Variants in MEI4 observed in about 807,000 individuals in gnomAD.
The protein encoded by MEI4 is meiosis-specific protein MEI4.
A neutral mutation model predicts 31.4 loss-of-function variants in MEI4; 27 were observed. That is an observed-to-expected ratio of 0.86 (90% CI 0.63 to 1.19). The LOEUF (loss-of-function observed/expected upper bound fraction) is 1.19, where lower values mean the gene tolerates loss of function less well. MEI4 is among the 50% of genes most tolerant of loss of function. MEI4 has a pLI of 0.00. For missense variants in MEI4, 329 were observed against 398.9 expected, an observed-to-expected ratio of 0.82 and a Z score of 1.49; for synonymous variants, 122 against 145.4, an observed-to-expected ratio of 0.84 and a Z score of 1.16.
intron 2 of MEI4, among the ~76,000 whole-genome samples, chr6:77,737,090 A>G (rs1405502508): frequency 6.6e-6 from 1 of 152,198 alleles, no homozygotes; most frequent in Non-Finnish European, 1.5e-5. Flanking sequence ...CAGCCAGTGG[A>G]AAACATGCTG....
At position 77,731,160 on chromosome 6, in the gene MEI4, G is replaced by A. The variant is rs965230498; in HGVS notation, c.233-29970G>A. Among the ~76,000 whole-genome samples, 226 of 151,748 alleles carry A rather than the reference G, an allele frequency of 1.5e-3. 1 individual carries two copies. Among genetic ancestry groups the A allele is most frequent in the Non-Finnish European group, 2.6e-3 (176 of 67,974 alleles). ...ACATACCCAGTAATGGGATGGCTGG[G>A]TCAAATGGTATTTCTAGTTCTAGAT... On this transcript the variant is annotated intron_variant, in intron 2 of 4. Transcript: ENST00000684080.
At chr6:77,775,942 G>C (rs1768427791) in intron 3 of MEI4, among the ~76,000 whole-genome samples, 1 of 152,098 alleles carries the variant, frequency 6.6e-6, no homozygotes. Context: ...CTGATCATTA[G>C]TGATGTTGAG....
At chr6:77,922,314 A>G (rs1159439217) in intron 4 of MEI4, among the ~76,000 whole-genome samples, 2 of 151,694 alleles carry the variant, frequency 1.3e-5, no homozygotes, top group African/African-American at 4.8e-5. Context: ...AGTTCTGTGG[A>G]TTTGAGTTCT....
intron 4 of MEI4, among the ~76,000 whole-genome samples, chr6:77,872,317 C>T (rs1348789785): frequency 6.6e-6 from 1 of 152,096 alleles, no homozygotes; most frequent in Non-Finnish European, 1.5e-5. Flanking sequence ...CAGTGGCATG[C>T]ACCTGCAGTC....
At chr6:77,869,129 A>T (rs748902126) in intron 4 of MEI4, among the ~76,000 whole-genome samples, 5 of 152,172 alleles carry the variant, frequency 3.3e-5, no homozygotes, top group East Asian at 1.9e-4. Flanking sequence ...AGCAAAGCAA[A>T]GTGCTTCCTG....
chr6:77,757,479 C>T (rs1335880328), intron 2 of MEI4, among the ~76,000 whole-genome samples: 1 of 152,192 alleles, frequency 6.6e-6, no homozygotes, highest in East Asian at 1.9e-4. Context: ...CCATAGCATA[C>T]ATTGGTAGAG....
chr6:77,713,927 G>A (rs1766522420), intron 2 of MEI4, among the ~76,000 whole-genome samples: 1 of 151,920 alleles, frequency 6.6e-6, no homozygotes, highest in African/African-American at 2.4e-5. Context: ...TCACAGTTAA[G>A]ATCATGTCTT....
Position 77,754,111 on chromosome 6 carries a change from G to A in MEI4, c.233-7019G>A, listed in dbSNP as rs146922667. On this transcript the variant is annotated intron_variant, in intron 2 of 4. Coordinates refer to ENST00000684080, the MANE Select transcript of MEI4 (RefSeq NM_001322247.2). ...ACCATGTCCTGTAGGGGGTTAGGGGGGTTCTGGGGAGGGATGGCATTAGGA... is the reference window on the plus strand; with the variant it reads ...ACCATGTCCTGTAGGGGGTTAGGGGAGTTCTGGGGAGGGATGGCATTAGGA... Among the ~76,000 whole-genome samples, 401 of 152,158 alleles carry A rather than the reference G, an allele frequency of 2.6e-3. 2 individuals are homozygous for A. Among genetic ancestry groups the A allele is most frequent in the African/African-American group, 8.9e-3 (371 of 41,498 alleles).
intron 1 of MEI4, among the ~76,000 whole-genome samples, chr6:77,666,684 C>T (rs1412669447): frequency 1.3e-5 from 2 of 152,046 alleles, no homozygotes; most frequent in East Asian, 1.9e-4. Flanking sequence ...CTCTTCTAGC[C>T]GTTATGTTAG....
chr6:77,658,304 C>A (rs962556096), intron 1 of MEI4, among the ~76,000 whole-genome samples: 1 of 151,984 alleles, frequency 6.6e-6, no homozygotes, highest in Non-Finnish European at 1.5e-5. Context: ...GTTCATTGAT[C>A]AGTTAGGGTG....
rs79391208 is a variant in MEI4 at position 77,916,001 on chromosome 6, C to CTAT, written c.901-7086_901-7084dup. ...GTCTGACTGGGTTGTTTCAAAAAAC[C>CTAT]TATTTTCAAGTTCTGGATTTTTTAA... is the stretch of plus-strand genomic sequence containing the variant. On this transcript the variant is annotated intron_variant, in intron 4 of 4. Transcript: ENST00000684080. 1.9e-4 allele frequency among the ~76,000 whole-genome samples: 29 copies of CTAT among 152,016 alleles called. No individual in the cohort carries two copies. In the East Asian group the frequency reaches 4.5e-3, roughly 23 times the overall value.
At chr6:77,654,313 C>T (rs1440201612) in intron 1 of MEI4, among the ~76,000 whole-genome samples, 1 of 152,022 alleles carries the variant, frequency 6.6e-6, no homozygotes, top group Non-Finnish European at 1.5e-5. Context: ...CAGTGCCTGA[C>T]AGGTTGGGGA....
intron 4 of MEI4, among the ~76,000 whole-genome samples, chr6:77,862,980 T>C (rs908287373): frequency 1.3e-5 from 2 of 152,152 alleles, no homozygotes; most frequent in African/African-American, 4.8e-5. Flanking sequence ...GGAGTGGACC[T>C]CCAGCAAACT....
chr6:77,756,729 A>G (rs1767929076), intron 2 of MEI4, among the ~76,000 whole-genome samples: 1 of 145,096 alleles, frequency 6.9e-6, no homozygotes, highest in Non-Finnish European at 1.5e-5. Context: ...TCATCTTTCT[A>G]GGCTATCTAT....
chr6:77,746,476 ACT>A (rs909805826), intron 2 of MEI4, among the ~76,000 whole-genome samples: 11 of 152,012 alleles, frequency 7.2e-5, no homozygotes, highest in Admixed American at 3.9e-4. Context: ...CTGCTTTCAC[ACT>A]CAAACTGCAA....
At chr6:77,921,389 G>T (rs966157940) in intron 4 of MEI4, among the ~76,000 whole-genome samples, 2 of 151,836 alleles carry the variant, frequency 1.3e-5, no homozygotes, top group South Asian at 2.1e-4. Context: ...TCTGGTTCAG[G>T]TATTGGCTTA....
intron 3 of MEI4, among the ~76,000 whole-genome samples, chr6:77,799,979 C>A (rs1299422903): frequency 3.9e-5 from 6 of 152,096 alleles, no homozygotes; most frequent in Admixed American, 3.9e-4. Context: ...GCAATGGGGG[C>A]TCTTTTTTGG....
At position 77,798,761 on chromosome 6, in the gene MEI4, C is replaced by T. The variant is rs1343078285; in HGVS notation, c.769-30170C>T. Among the ~76,000 whole-genome samples, 17 of 150,164 alleles carry T rather than the reference C, an allele frequency of 1.1e-4. No individual in the cohort carries two copies. In the South Asian group the frequency reaches 1.9e-3, roughly 17 times the overall value. On this transcript the variant is annotated intron_variant, in intron 3 of 4. Transcript: ENST00000684080. ...TGCGGTGTTTGGTTTTTTGTTCTCG[C>T]GATAGTTTACTGAGAATGATGACTT...
At chr6:77,885,138 CT>C (rs1771588661) in intron 4 of MEI4, among the ~76,000 whole-genome samples, 1 of 148,612 alleles carries the variant, frequency 6.7e-6, no homozygotes, top group Non-Finnish European at 1.5e-5. Context: ...TTCTTGATTT[CT>C]TTCTCAAATA....
Sources: allele counts gnomAD v4.1 joint callset (sites outside exome capture counted in the v4.1 genomes callset), GRCh38; gene constraint gnomAD v4.1.1; transcripts MANE v1.5; gene names NCBI Gene and HGNC (gene_info 2026-07-23, HGNC 2026-07-21).